Variants in PPP1R2 observed in about 807,000 individuals in gnomAD.
PPP1R2 encodes the protein protein phosphatase 1 regulatory inhibitor subunit 2.
Under a neutral mutation model 29.9 loss-of-function variants are expected in PPP1R2, and 16 were observed. The observed-to-expected ratio is 0.53, with a 90% confidence interval of 0.36 to 0.81. The LOEUF (loss-of-function observed/expected upper bound fraction) is 0.81. Among genes scored for constraint, PPP1R2 ranks in the 30% least tolerant of loss-of-function variants. The pLI, the probability that PPP1R2 is intolerant of heterozygous loss-of-function variation, is 0.00. For synonymous variants in PPP1R2, 76 were observed against 91.5 expected (o/e 0.83, Z 0.96); for missense variants, 197 against 252.7 (o/e 0.78, Z 1.49).
intron 2 of PPP1R2, among the ~76,000 whole-genome samples, chr3:195,526,700 A>G (rs1410714637): frequency 6.6e-6 from 1 of 151,840 alleles, no homozygotes; most frequent in Non-Finnish European, 1.5e-5. Context: ...TTGCAGCTAC[A>G]ACCTCCAGGG....
At chr3:195,535,727 C>A (rs1426592169) in intron 1 of PPP1R2, among the ~76,000 whole-genome samples, 4 of 152,140 alleles carry the variant, frequency 2.6e-5, no homozygotes, top group African/African-American at 9.7e-5. Flanking sequence ...ACCAAGAGTT[C>A]TATTTGAGAC....
chr3:195,542,968 A>C lies in PPP1R2; in HGVS notation c.58T>G (p.Ser20Ala). 1 of 1,603,346 alleles carries C rather than the reference A, an allele frequency of 6.2e-7. No homozygotes were observed. The highest frequency in any genetic ancestry group is 2.2e-5 in the East Asian group (1 of 44,482). ...PIKGILKNKT[S>A]TTSSMVASAE... ...GACGCCACCATAGAGGAAGTCGTAGAGGTCTTGTTCTTCAAGATCCCCTTG... is the reference window on the plus strand; with the variant it reads ...GACGCCACCATAGAGGAAGTCGTAGCGGTCTTGTTCTTCAAGATCCCCTTG... Residue 20 changes from serine to alanine, a missense_variant, in exon 1 of 6, where the codon TCT becomes GCT. Physicochemically the swap from Ser to Ala is moderately conservative, Grantham distance 99 (BLOSUM62 1). This residue lies in a region of PPP1R2 where 54 missense variants were observed against 60.6 expected (regional missense o/e 0.89). Transcript: ENST00000618156.
chr3:195,535,916 C>A (rs1719362378), intron 1 of PPP1R2, among the ~76,000 whole-genome samples: 2 of 152,270 alleles, frequency 1.3e-5, no homozygotes, highest in South Asian at 4.2e-4. Context: ...GCCTCTCCTT[C>A]TATCGCCTTT....
chr3:195,530,135 T>C (rs1390065065), intron 1 of PPP1R2, among the ~76,000 whole-genome samples: 2 of 152,200 alleles, frequency 1.3e-5, no homozygotes, highest in Non-Finnish European at 2.9e-5. Context: ...ACACAATATT[T>C]AGTATCTATA....
In PPP1R2 at chr3:195,522,521, C is replaced by T. The variant is rs1718800459; in HGVS notation, c.403+1171G>A. ...TGACATTAACAAAAAATTCCTTATT[C>T]TCAACAGATCATGTTTTTAGAGAGT... On this transcript the variant is annotated intron_variant, in intron 4 of 5. Transcript: ENST00000618156. Among the ~76,000 whole-genome samples, 4 of 152,180 alleles carry T rather than the reference C, an allele frequency of 2.6e-5. 1 individual carries two copies. The South Asian group carries it at 8.3e-4, about 32-fold the overall frequency.
chr3:195,515,436 G>T lies in PPP1R2; in HGVS notation c.*1460C>A, dbSNP rs938758237. 1 of 152,380 alleles carries T rather than the reference G, an allele frequency of 6.6e-6. No homozygotes were observed. Among genetic ancestry groups the T allele is most frequent in the Non-Finnish European group, 1.5e-5 (1 of 67,990 alleles). 9.4% of individuals were successfully genotyped at this position (152,380 alleles called of 1,614,324 possible). A position where few individuals can be genotyped will look rare whatever the true frequency, so the allele number is the denominator to read the frequency against. ...GTATCTATATATAAAATATACAGAC[G>T]TTATTTTAGAAGTCTGTTCATATAA... On this transcript the variant is annotated 3_prime_UTR_variant, in exon 6 of 6. Transcript: ENST00000618156.
intron 4 of PPP1R2, among the ~76,000 whole-genome samples, chr3:195,522,692 C>T (rs1718806807): frequency 6.6e-6 from 1 of 152,140 alleles, no homozygotes; most frequent in Non-Finnish European, 1.5e-5. Flanking sequence ...AAATTTCTCT[C>T]GTACAAATAT....
chr3:195,519,859 G>C (rs977480386), intron 4 of PPP1R2, among the ~76,000 whole-genome samples: 1 of 149,972 alleles, frequency 6.7e-6, no homozygotes, highest in Non-Finnish European at 1.5e-5. Context: ...GATCACACTA[G>C]AGCAACTATT....
chr3:195,542,754 G>T, intron 1 of PPP1R2, 150 bp downstream of exon 1: 1 of 877,428 alleles, frequency 1.1e-6, no homozygotes, highest in Non-Finnish European at 1.6e-6. Context: ...CCTTCTTAAA[G>T]ATCGCTCCCA....
chr3:195,519,512 A>G, intron 4 of PPP1R2: 1 of 225,152 alleles, frequency 4.4e-6, no homozygotes, highest in Non-Finnish European at 8.6e-6. Context: ...GAGTTACAAC[A>G]CCATATACTA....
intron 2 of PPP1R2, among the ~76,000 whole-genome samples, chr3:195,528,489 A>G (rs1184886556): frequency 6.6e-6 from 1 of 152,002 alleles, no homozygotes; most frequent in African/African-American, 2.4e-5. Flanking sequence ...TTTGTTAGTA[A>G]CAGGTTATTT....
intron 2 of PPP1R2, chr3:195,528,586 A>G (rs1394608379): frequency 5.3e-5 from 8 of 152,012 alleles, no homozygotes; most frequent in African/African-American, 1.9e-4. Context: ...TGGAAACAGC[A>G]GTTACCTCTA....
chr3:195,537,953 G>A (rs1481296938), intron 1 of PPP1R2, among the ~76,000 whole-genome samples: 9 of 152,288 alleles, frequency 5.9e-5, no homozygotes, highest in South Asian at 2.1e-4. Flanking sequence ...TATGAAAGTC[G>A]GCATCTCTAA....
Position 195,516,719 on chromosome 3 carries a change from T to G in PPP1R2, c.*177A>C. 3.4e-6 allele frequency: 2 copies of G among 590,906 alleles called. No homozygotes were observed. Among genetic ancestry groups the G allele is most frequent in the Non-Finnish European group, 6.0e-6 (2 of 333,024 alleles). 36.6% of individuals were successfully genotyped at this position (590,906 alleles called of 1,614,324 possible). On this transcript the variant is annotated 3_prime_UTR_variant, in exon 6 of 6. Transcript: ENST00000618156. ...AGTACTAGGCACAAGAATATATATA[T>G]CGATTAGGCATTTTCAGTCTAATCA...
At chr3:195,517,871 G>A (rs946055824) in intron 5 of PPP1R2, among the ~76,000 whole-genome samples, 1 of 152,168 alleles carries the variant, frequency 6.6e-6, no homozygotes, top group African/African-American at 2.4e-5. Flanking sequence ...AAAGGTTGAA[G>A]CATATTACGG....
At chr3:195,521,656 A>AC (rs1718768161) in intron 4 of PPP1R2, among the ~76,000 whole-genome samples, 1 of 151,728 alleles carries the variant, frequency 6.6e-6, no homozygotes, top group Non-Finnish European at 1.5e-5. Flanking sequence ...TTATGTACTT[A>AC]TTTATTTTTT....
chr3:195,541,955 C>T (rs931671785), intron 1 of PPP1R2, among the ~76,000 whole-genome samples: 14 of 152,156 alleles, frequency 9.2e-5, no homozygotes, highest in Admixed American at 2.0e-4. Flanking sequence ...CCCTAGGTTC[C>T]TATATTCTGA....
At chr3:195,537,521 T>TGTGTGTGTGTGTGTGTGTGTG (rs1719442059) in intron 1 of PPP1R2, among the ~76,000 whole-genome samples, 2 of 33,042 alleles carry the variant, frequency 6.1e-5, no homozygotes, top group South Asian at 8.0e-4. Flanking sequence ...GTGTGTGTGT[T>TGTGTGTGTGTGTGTGTGTGTG]TCCATTTCAG....
Position 195,543,168 on chromosome 3 carries a change from T to G in PPP1R2, c.-143A>C. 1 of 1,162,720 alleles carries G rather than the reference T, an allele frequency of 8.6e-7. No homozygotes were observed. Among genetic ancestry groups the G allele is most frequent in the Non-Finnish European group, 1.2e-6 (1 of 860,034 alleles). The allele number at this position is 1,162,720 out of a possible 1,614,324, so 72.0% of individuals were successfully genotyped here. On this transcript the variant is annotated 5_prime_UTR_variant, in exon 1 of 6. Transcript: ENST00000618156. The stretch of plus-strand genomic sequence containing the variant: ...CCGCAACTGCTGCCTCGGAAACGGC[T>G]ACCGCAGCGGTTGTCACGACACAAC...
Sources: gnomAD v4.1 joint callset for allele counts (sites outside exome capture counted in the v4.1 genomes callset) on GRCh38, gnomAD v4.1.1 for gene constraint, gnomAD v4.1.1 regional missense constraint, MANE v1.5 for transcripts, NCBI Gene and HGNC (gene_info 2026-07-23, HGNC 2026-07-21) for gene names.